COL18A1: variants seen among roughly 807,000 people sequenced by gnomAD.
The protein encoded by COL18A1 is collagen type XVIII alpha 1 chain.
In COL18A1, 133 loss-of-function variants were observed where a neutral mutation model predicts 168.0. The ratio of observed to expected loss-of-function variants is 0.79; its 90% CI spans 0.69 to 0.91. COL18A1 has a LOEUF of 0.91. COL18A1 is among the 40% of genes least tolerant of loss of function. The pLI is 0.00. For synonymous variants in COL18A1, 949 were observed against 809.0 expected (o/e 1.17, Z -2.94); for missense variants, 2,126 against 1,925.4 (o/e 1.10, Z -1.95).
intron 4 of COL18A1, among the ~76,000 whole-genome samples, chr21:45,474,265 C>G (rs73240325): frequency 9.6e-4 from 129 of 134,222 alleles, no homozygotes; most frequent in African/African-American, 3.9e-3. Context: ...GTGTGTGTGT[C>G]TGTGTCTGTG....
chr21:45,510,628 A>T (rs1332598798), intron 40 of COL18A1, among the ~76,000 whole-genome samples: 1 of 152,182 alleles, frequency 6.6e-6, no homozygotes, highest in Admixed American at 6.5e-5. Context: ...TTGGGCCTCT[A>T]GTGCCATGCG....
chr21:45,462,054 GT>G (rs538279269), intron 2 of COL18A1, among the ~76,000 whole-genome samples: 18 of 150,208 alleles, frequency 1.2e-4, no homozygotes, highest in East Asian at 7.8e-4. Context: ...TTGGTTAACA[GT>G]TTTTTTTTTC....
chr21:45,437,431 C>A (rs1313216984), intron 2 of COL18A1, among the ~76,000 whole-genome samples: 8 of 99,220 alleles, frequency 8.1e-5, no homozygotes, highest in Non-Finnish European at 3.8e-5. Flanking sequence ...CAGGCACTCT[C>A]CTGCACACAC....
chr21:45,427,222 C>T (rs997934104), intron 2 of COL18A1, among the ~76,000 whole-genome samples: 1 of 152,202 alleles, frequency 6.6e-6, no homozygotes, highest in African/African-American at 2.4e-5. Context: ...ATATCCACCT[C>T]CATCGCAGCC....
chr21:45,508,428 A>C (rs1309185313), intron 38 of COL18A1, among the ~76,000 whole-genome samples: 2 of 115,706 alleles, frequency 1.7e-5, no homozygotes, highest in African/African-American at 7.7e-5. Flanking sequence ...GAATGGGTGG[A>C]TGGATGGTGG....
rs1195533185 is a variant in COL18A1 at position 45,473,807 on chromosome 21, GC to G, written c.652-82del. On this transcript the variant is annotated intron_variant, in intron 3 of 41. Transcript: ENST00000651438. This position sits in a 1 kb window ranked among gnomAD's most constrained non-coding sequence, Gnocchi z 4.0. ...TCCGAGACTCTCCTGCCCTTTGTGG[GC>G]CCCCCGAAATCTGGAGCTCAAGCAG... 3.6e-6 allele frequency: 4 copies of G among 1,114,066 alleles called. No individual in the cohort carries two copies. Among genetic ancestry groups the G allele is most frequent in the Non-Finnish European group, 2.7e-6 (2 of 754,466 alleles). 69.0% of individuals were successfully genotyped at this position (1,114,066 alleles called of 1,614,324 possible).
Position 45,468,226 on chromosome 21 carries a change from GTCTT to G in COL18A1, c.107-10_107-7del, listed in dbSNP as rs748252887. On this transcript the variant is annotated splice_polypyrimidine_tract_variant and intron_variant, in intron 2 of 41. Coordinates refer to ENST00000651438, the MANE Select transcript of COL18A1 (RefSeq NM_001379500.1). ...GTCCTGCACAGCCACCTCACCAGCTGTCTTTCTTTTTGCAGAGCGCATCAGCGAG... is the reference window on the plus strand; with the variant it reads ...GTCCTGCACAGCCACCTCACCAGCTGTCTTTTTGCAGAGCGCATCAGCGAG... The G allele has an allele frequency of 3.7e-6, 6 of 1,612,782 alleles. No individual in the cohort carries two copies. The highest frequency in any genetic ancestry group is 1.7e-5 in the Admixed American group (1 of 60,026).
chr21:45,490,437 C>CGTGCGT (rs773887057), intron 20 of COL18A1, 91 bp downstream of exon 20: 1 of 1,141,576 alleles, frequency 8.8e-7, no homozygotes, highest in African/African-American at 1.6e-5. Context: ...GATGTGCCCT[C>CGTGCGT]CCGGGTCCCT....
Position 45,497,589 on chromosome 21 carries a change from C to T in COL18A1, c.2621-10C>T, listed in dbSNP as rs771028333. On this transcript the variant is annotated splice_polypyrimidine_tract_variant and intron_variant, in intron 31 of 41. Transcript: ENST00000651438. ...CATTCCTGATGGGCACTGGGTCTCT[C>T]TTCCTCCAGGGAATCAGGGCCCTCC... The T allele has an allele frequency of 1.3e-6, 2 of 1,557,736 alleles. No homozygotes were observed. Among genetic ancestry groups the T allele is most frequent in the Admixed American group, 1.9e-5 (1 of 51,992 alleles).
chr21:45,493,078 G>A, intron 24 of COL18A1, 85 bp from the exon 25 acceptor site: 1 of 1,351,744 alleles, frequency 7.4e-7, no homozygotes, highest in Non-Finnish European at 1.0e-6. Context: ...TATTGCGGGG[G>A]GCAGCTGTCG....
intron 15 of COL18A1, among the ~76,000 whole-genome samples, chr21:45,486,405 G>A (rs564170045): frequency 2.0e-5 from 2 of 99,878 alleles, no homozygotes; most frequent in East Asian, 3.1e-4. Flanking sequence ...TCGCCTGCCC[G>A]GGAGCCAGGG....
At position 45,457,892 on chromosome 21, in the gene COL18A1, C is replaced by T. The variant is rs976891599; in HGVS notation, c.107-10350C>T. Among the ~76,000 whole-genome samples the T allele has an allele frequency of 2.6e-5, 4 of 152,106 alleles. No individual in the cohort carries two copies. Among genetic ancestry groups the T allele is most frequent in the East Asian group, 1.9e-4 (1 of 5,166 alleles). ...TGCCTGCAGTGGAAATTCTGGTGGA[C>T]GCCCACCCACCAGGCTCCGTGAGGG... is the stretch of plus-strand genomic sequence containing the variant. On this transcript the variant is annotated intron_variant, in intron 2 of 41. Transcript: ENST00000651438. The surrounding 1 kb of genome is among the most constrained non-coding windows in gnomAD (Gnocchi z 4.6).
At chr21:45,479,164 AT>A (rs777108279) in intron 9 of COL18A1, among the ~76,000 whole-genome samples, 13 of 140,754 alleles carry the variant, frequency 9.2e-5, no homozygotes, top group Non-Finnish European at 1.5e-4. Flanking sequence ...GAGTGTGTGA[AT>A]GTGTGACTGC....
intron 2 of COL18A1, among the ~76,000 whole-genome samples, chr21:45,453,383 A>G (rs1168797116): frequency 6.7e-6 from 1 of 149,090 alleles, no homozygotes; most frequent in Non-Finnish European, 1.5e-5. Flanking sequence ...GTGAGCATAC[A>G]TATATGTGTG....
rs183800620 is a variant in COL18A1, at chr21:45,430,962, G to C, written c.106+25489G>C. Among the ~76,000 whole-genome samples, 79 of 152,360 alleles carry C rather than the reference G, an allele frequency of 5.2e-4. 1 individual carries two copies. The East Asian group carries it at 0.014, about 28-fold the overall frequency. On this transcript the variant is annotated intron_variant, in intron 2 of 41. Transcript: ENST00000651438. ...AGCTGGGCCATTGAAAATCAAGTCC[G>C]TAGAAAGACCTAGAAATAAGTCCCG...
At chr21:45,442,778 C>A (rs1486716615) in intron 2 of COL18A1, among the ~76,000 whole-genome samples, 3 of 92,404 alleles carry the variant, frequency 3.2e-5, no homozygotes, top group African/African-American at 1.2e-4. Flanking sequence ...GTGTGGGCGG[C>A]GGTCCTGGTG....
chr21:45,484,032 C>T lies in COL18A1; in HGVS notation c.1701+1211C>T, dbSNP rs202034009. Among the ~76,000 whole-genome samples, 40 of 104,234 alleles carry T rather than the reference C, an allele frequency of 3.8e-4. 4 individuals are homozygous for T. Among genetic ancestry groups the T allele is most frequent in the Admixed American group, 1.1e-3 (11 of 10,166 alleles). The allele number at this position is 104,234 out of a possible 152,430, so 68.4% of individuals were successfully genotyped here. On this transcript the variant is annotated intron_variant, in intron 15 of 41. Transcript: ENST00000651438. Reference sequence around the variant, plus strand: ...TCTCCAGCATATGTACACATGCACACACACACCTCTCCAGCATATGTACAC... The same window carrying T: ...TCTCCAGCATATGTACACATGCACATACACACCTCTCCAGCATATGTACAC...
intron 22 of COL18A1, among the ~76,000 whole-genome samples, chr21:45,491,688 G>A (rs1444182700): frequency 2.0e-5 from 3 of 152,222 alleles, no homozygotes; most frequent in African/African-American, 7.2e-5. Context: ...GGTGAAGGTT[G>A]TGTTGGTTCC....
rs778311635 is a variant in COL18A1 at position 45,498,597 on chromosome 21, G to A, written c.2683+936G>A. ...GGCAGGCAGAGGCCGAGTCTGGGCC[G>A]GGACATCCTTAAGGCCTGTGGAGGC... On this transcript the variant is annotated intron_variant, in intron 32 of 41. Coordinates refer to ENST00000651438, the MANE Select transcript of COL18A1 (RefSeq NM_001379500.1). This position sits in a 1 kb window ranked among gnomAD's most constrained non-coding sequence, Gnocchi z 4.5. 17 of 715,618 alleles carry A rather than the reference G, an allele frequency of 2.4e-5. 1 individual carries two copies. Among genetic ancestry groups the A allele is most frequent in the South Asian group, 1.6e-4 (11 of 67,562 alleles). 44.3% of individuals were successfully genotyped at this position (715,618 alleles called of 1,614,324 possible). A position where few individuals can be genotyped will look rare whatever the true frequency, so the allele number is the denominator to read the frequency against.
Sources: gnomAD v4.1 joint callset for allele counts (sites outside exome capture counted in the v4.1 genomes callset) on GRCh38, gnomAD v4.1.1 for gene constraint, Gnocchi (gnomAD v3.1) non-coding constraint, MANE v1.5 for transcripts, NCBI Gene and HGNC (gene_info 2026-07-23, HGNC 2026-07-21) for gene names.